AAK1: variants seen among roughly 807,000 people sequenced by gnomAD.
AAK1 encodes the protein AP2-associated protein kinase 1.
Under a neutral mutation model 116.0 loss-of-function variants are expected in AAK1, and 37 were observed. The observed-to-expected ratio is 0.32, with a 90% CI of 0.25 to 0.42. The LOEUF (loss-of-function observed/expected upper bound fraction) is 0.42, where lower values mean the gene tolerates loss of function less well. AAK1 is among the 10% of genes least tolerant of loss of function. AAK1 has a pLI of 1.00. For synonymous variants in AAK1, 458 were observed against 439.9 expected (o/e 1.04, Z -0.51); for missense variants, 919 against 1,170.6 (o/e 0.79, Z 3.14).
At position 69,475,485 on chromosome 2, in the gene AAK1, G is replaced by C; in HGVS notation, c.*384C>G. The C allele has an allele frequency of 9.8e-7, 1 of 1,022,204 alleles. No individual in the cohort carries two copies. Among genetic ancestry groups the C allele is most frequent in the Non-Finnish European group, 1.2e-6 (1 of 851,940 alleles). 63.3% of individuals were successfully genotyped at this position (1,022,204 alleles called of 1,614,324 possible). On this transcript the variant is annotated 3_prime_UTR_variant, in exon 22 of 22. Coordinates refer to ENST00000409085, the MANE Select transcript of AAK1 (RefSeq NM_014911.5). ...AAAGGAGACGGGGGTTGGGAGAATT[G>C]ATCTGGGAGGCCATTCCTAGCAAGA...
intron 17 of AAK1, among the ~76,000 whole-genome samples, chr2:69,493,982 G>A (rs759117030): frequency 2.0e-5 from 3 of 152,198 alleles, no homozygotes; most frequent in East Asian, 1.9e-4. Flanking sequence ...CTTGCAGGTC[G>A]CAGTAAGCAG....
At chr2:69,639,862 G>A (rs2105274638) in intron 2 of AAK1, among the ~76,000 whole-genome samples, 1 of 152,220 alleles carries the variant, frequency 6.6e-6, no homozygotes, top group South Asian at 2.1e-4. Flanking sequence ...TCCAGGGAAG[G>A]AGCATGGCTA....
Position 69,642,873 on chromosome 2 carries a change from C to T in AAK1, c.163+5G>A, listed in dbSNP as rs140707931. ...TAATTTACGGCGCATTGAGCCCCAC[C>T]GTACCTTCCGCCAACACCTCGTCCA... On this transcript the variant is annotated splice_donor_5th_base_variant and intron_variant, in intron 2 of 21. Coordinates refer to ENST00000409085, the MANE Select transcript of AAK1 (RefSeq NM_014911.5). The T allele has an allele frequency of 2.5e-5, 41 of 1,613,834 alleles. No homozygotes were observed. The African/African-American group carries it at 5.5e-4, about 22-fold the overall frequency.
intron 15 of AAK1, 89 bp downstream of exon 15, chr2:69,507,332 T>C (rs527664554): frequency 1.4e-6 from 2 of 1,480,372 alleles, no homozygotes; most frequent in Non-Finnish European, 1.8e-6. Flanking sequence ...CATACCCTTC[T>C]AGAGTTACGA....
intron 5 of AAK1, among the ~76,000 whole-genome samples, chr2:69,533,549 C>A (rs1275142752): frequency 6.6e-6 from 1 of 152,226 alleles, no homozygotes; most frequent in Non-Finnish European, 1.5e-5. Context: ...CTGCTGCCAA[C>A]TGATTCTGCA....
In AAK1 at chr2:69,468,883, A is replaced by G; in HGVS notation, c.*6986T>C. 1.0e-6 allele frequency: 1 copy of G among 985,440 alleles called. No homozygotes were observed. The highest frequency in any genetic ancestry group is 1.2e-6 in the Non-Finnish European group (1 of 829,930). The allele number at this position is 985,440 out of a possible 1,614,324, so 61.0% of individuals were successfully genotyped here. ...GGTTTTTGGTCGAGAACCCATTTGG[A>G]AAACCTTCCAACTCAGAGCATATTC... On this transcript the variant is annotated 3_prime_UTR_variant, in exon 22 of 22. Transcript: ENST00000409085.
chr2:69,505,135 CCACACACACACA>C (rs10585161), intron 16 of AAK1, among the ~76,000 whole-genome samples: 1 of 139,676 alleles, frequency 7.2e-6, no homozygotes, highest in South Asian at 2.3e-4. Context: ...GCACACACAC[CCACACACACACA>C]CACACACACA....
rs942997838 is a variant in AAK1, at chr2:69,469,977, T to A, written c.*5892A>T. ...CAACTTGGCAACTATCCTCACCAGC[T>A]CCCTATTCACTTCCAAAGCAACCCA... On this transcript the variant is annotated 3_prime_UTR_variant, in exon 22 of 22. Transcript: ENST00000409085. 1.0e-6 allele frequency: 1 copy of A among 985,254 alleles called. No homozygotes were observed. The highest frequency in any genetic ancestry group is 1.7e-5 in the African/African-American group (1 of 57,218). 61.0% of individuals were successfully genotyped at this position (985,254 alleles called of 1,614,324 possible).
At chr2:69,555,935 A>G (rs1464706394) in intron 3 of AAK1, among the ~76,000 whole-genome samples, 1 of 152,106 alleles carries the variant, frequency 6.6e-6, no homozygotes, top group African/African-American at 2.4e-5. Flanking sequence ...CCATATACTC[A>G]TAATTCTGCT....
rs1572869014 is a variant in AAK1, at chr2:69,468,404, T to C, written c.*7465A>G. On this transcript the variant is annotated 3_prime_UTR_variant, in exon 22 of 22. Transcript: ENST00000409085. The stretch of plus-strand genomic sequence containing the variant: ...AAGGACAAGAGGGCCCTAAAACTCC[T>C]TGAACCACCTTCCTCACATAGTATC... 2.0e-6 allele frequency: 2 copies of C among 985,442 alleles called. No individual in the cohort carries two copies. The highest frequency in any genetic ancestry group is 2.4e-6 in the Non-Finnish European group (2 of 829,930). The allele number at this position is 985,442 out of a possible 1,614,324, so 61.0% of individuals were successfully genotyped here.
At chr2:69,600,701 T>TA (rs1206028880) in intron 2 of AAK1, among the ~76,000 whole-genome samples, 7 of 152,206 alleles carry the variant, frequency 4.6e-5, no homozygotes, top group Admixed American at 4.6e-4. Flanking sequence ...ACTTAGCTGA[T>TA]AAAGCAGCAG....
intron 5 of AAK1, among the ~76,000 whole-genome samples, chr2:69,534,076 C>T (rs1362277886): frequency 6.6e-6 from 1 of 152,130 alleles, no homozygotes; most frequent in African/African-American, 2.4e-5. Context: ...AAATAACAGC[C>T]ATCATTTTCT....
At chr2:69,494,367 G>A (rs1025730519) in intron 17 of AAK1, among the ~76,000 whole-genome samples, 1 of 152,174 alleles carries the variant, frequency 6.6e-6, no homozygotes, top group Non-Finnish European at 1.5e-5. Flanking sequence ...CCTGGGGCAT[G>A]TGCCTGGCTC....
Position 69,475,169 on chromosome 2 carries a change from C to A in AAK1, c.*700G>T. 1 of 985,850 alleles carries A rather than the reference C, an allele frequency of 1.0e-6. No individual in the cohort carries two copies. Among genetic ancestry groups the A allele is most frequent in the South Asian group, 4.7e-5 (1 of 21,280 alleles). 61.1% of individuals were successfully genotyped at this position (985,850 alleles called of 1,614,324 possible). On this transcript the variant is annotated 3_prime_UTR_variant, in exon 22 of 22. Coordinates refer to ENST00000409085, the MANE Select transcript of AAK1 (RefSeq NM_014911.5). ...TCACGTCTCCAGATCTGAGAAATCA[C>A]GGTTCAATGGAAGCCAGAAAGCTGG...
intron 2 of AAK1, among the ~76,000 whole-genome samples, chr2:69,584,940 C>T (rs1479163250): frequency 6.6e-6 from 1 of 152,184 alleles, no homozygotes; most frequent in African/African-American, 2.4e-5. Flanking sequence ...AACTACACTG[C>T]CTTTCTTACC....
intron 2 of AAK1, among the ~76,000 whole-genome samples, chr2:69,626,797 T>C (rs1674922661): frequency 6.6e-6 from 1 of 151,354 alleles, no homozygotes; most frequent in Non-Finnish European, 1.5e-5. Context: ...ACCAGGGCAC[T>C]CGGCCCCTTC....
At chr2:69,501,854 C>T (rs1675991292) in intron 16 of AAK1, among the ~76,000 whole-genome samples, 1 of 152,008 alleles carries the variant, frequency 6.6e-6, no homozygotes, top group Non-Finnish European at 1.5e-5. Flanking sequence ...AACTGTTGTC[C>T]CAGCTGCTTG....
chr2:69,633,628 T>G (rs966839241), intron 2 of AAK1, among the ~76,000 whole-genome samples: 1 of 150,600 alleles, frequency 6.6e-6, no homozygotes, highest in Non-Finnish European at 1.5e-5. Context: ...CTCAGTAGTC[T>G]GTAGCCCAGA....
chr2:69,505,546 T>A, intron 16 of AAK1, 23 bp downstream of exon 16: 23 of 1,600,520 alleles, frequency 1.4e-5, no homozygotes, highest in Non-Finnish European at 2.0e-5. Context: ...GAACCTCCCG[T>A]TCCAGGTATT....
Sources: allele counts gnomAD v4.1 joint callset (sites outside exome capture counted in the v4.1 genomes callset), GRCh38; gene constraint gnomAD v4.1.1; transcripts MANE v1.5; gene names NCBI Gene and HGNC (gene_info 2026-07-23, HGNC 2026-07-21).